PARS2: variants seen among roughly 807,000 people sequenced by gnomAD.
PARS2 encodes the protein prolyl-tRNA synthetase 2, mitochondrial.
Under a neutral mutation model 27.4 loss-of-function variants are expected in PARS2, and 20 were observed. That is an observed-to-expected ratio of 0.73 (90% CI 0.51 to 1.06). The LOEUF (loss-of-function observed/expected upper bound fraction) is 1.06, where lower values mean the gene tolerates loss of function less well. Among genes scored for constraint, PARS2 ranks in the 50% least tolerant of loss-of-function variants. The probability of loss-of-function intolerance (pLI) is 0.00; values close to 1 mark genes in which losing one functional copy is unlikely to be tolerated. For synonymous variants in PARS2, 240 were observed against 247.1 expected (o/e 0.97, Z 0.27); for missense variants, 585 against 602.1 (o/e 0.97, Z 0.30).
Position 54,757,619 on chromosome 1 carries a change from C to A in PARS2, c.*115G>T. 1.6e-6 allele frequency: 1 copy of A among 633,530 alleles called. No homozygotes were observed. The highest frequency in any genetic ancestry group is 2.0e-5 in the South Asian group (1 of 49,092). 39.2% of individuals were successfully genotyped at this position (633,530 alleles called of 1,614,324 possible). ...ATTGATTTCCCTAACATGATCTCAC[C>A]CTCCATGAGCTGTGCTGTTTCTGGA... On this transcript the variant is annotated 3_prime_UTR_variant, in exon 2 of 2. Coordinates refer to ENST00000371279, the MANE Select transcript of PARS2 (RefSeq NM_152268.4).
At chr1:54,759,255 C>A (rs960784019) in intron 1 of PARS2, 65 bp from the exon 2 acceptor site, 24 of 1,007,384 alleles carry the variant, frequency 2.4e-5, no homozygotes, top group East Asian at 5.3e-5. Flanking sequence ...AAGCAGCCAA[C>A]CCAGCCTGCT....
intron 1 of PARS2, among the ~76,000 whole-genome samples, chr1:54,761,006 C>A (rs1646153011): frequency 6.6e-6 from 1 of 152,210 alleles, no homozygotes; most frequent in Admixed American, 6.5e-5. Flanking sequence ...TCTCGACCTC[C>A]TGACCTCGTG....
At position 54,757,993 on chromosome 1, in the gene PARS2, A is replaced by G. The variant is rs757113788; in HGVS notation, c.1169T>C (p.Ile390Thr). Residue 390 changes from isoleucine (I) to threonine (T), a missense_variant, in exon 2 of 2, where the codon ATA becomes ACA. By Grantham distance (89) the Ile-to-Thr change is moderately conservative (BLOSUM62 -1). Coordinates refer to ENST00000371279, the MANE Select transcript of PARS2 (RefSeq NM_152268.4). ...GSKEQAASEL[I>T]GQLYDHITEA... ...TGTGATGTGGTCGTACAGCTGCCCT[A>G]TGAGCTCGGAGGCCGCCTGCTCCTT... The G allele has an allele frequency of 3.9e-5, 63 of 1,613,924 alleles. No homozygotes were observed. Among genetic ancestry groups the G allele is most frequent in the Admixed American group, 1.0e-4 (6 of 59,978 alleles).
Position 54,758,848 on chromosome 1 carries a change from ATCAC to A in PARS2, c.310_313del (p.Val104Ter), listed in dbSNP as rs1431980402. The A allele has an allele frequency of 6.2e-7, 1 of 1,614,072 alleles. No homozygotes were observed. The highest frequency in any genetic ancestry group is 1.3e-5 in the African/African-American group (1 of 74,922). On this transcript the variant is annotated frameshift_variant, in exon 2 of 2. Coordinates refer to ENST00000371279, the MANE Select transcript of PARS2 (RefSeq NM_152268.4). LOFTEE classifies it high-confidence loss of function. ...CCCGATGGCCTGCATCTCCTGGTCT[ATCAC>A]TCGCACGAGCTTCTCCATGGCACGG...
At chr1:54,762,133 CTTGT>C (rs1646161218) in intron 1 of PARS2, among the ~76,000 whole-genome samples, 2 of 140,760 alleles carry the variant, frequency 1.4e-5, no homozygotes, top group African/African-American at 5.3e-5. Flanking sequence ...CGCTGGAGGG[CTTGT>C]TTTTTTTTTT....
chr1:54,764,224 C>T (rs1241285013), intron 1 of PARS2, among the ~76,000 whole-genome samples: 1 of 152,228 alleles, frequency 6.6e-6, no homozygotes, highest in African/African-American at 2.4e-5. Context: ...AACTGTGTGA[C>T]TCTCACGACG....
rs745471812 is a variant in PARS2, at chr1:54,759,129, C to G, written c.33G>C (p.Leu11Phe). MEGLLTRCRA[L>F]PALATCSRQL... is the part of the protein sequence containing the mutation. The stretch of plus-strand genomic sequence containing the variant: ...GGCGGCTGCAGGTGGCCAGGGCGGG[C>G]AATGCTCTGCATCTTGTCAGCAGCC... Residue 11 changes from leucine (L) to phenylalanine (F), a missense_variant, in exon 2 of 2, where the codon TTG becomes TTC. Transcript: ENST00000371279. 6.2e-7 allele frequency: 1 copy of G among 1,606,314 alleles called. No homozygotes were observed. Among genetic ancestry groups the G allele is most frequent in the Non-Finnish European group, 8.5e-7 (1 of 1,174,662 alleles).
In PARS2 at chr1:54,758,362, T is replaced by C. The variant is rs1646134091; in HGVS notation, c.800A>G (p.Glu267Gly). 1.2e-6 allele frequency: 2 copies of C among 1,614,178 alleles called. No individual in the cohort carries two copies. Among genetic ancestry groups the C allele is most frequent in the Non-Finnish European group, 1.7e-6 (2 of 1,180,016 alleles). Residue 267 changes from glutamate to glycine, a missense_variant, in exon 2 of 2, where the codon GAG becomes GGG. Coordinates refer to ENST00000371279, the MANE Select transcript of PARS2 (RefSeq NM_152268.4). ...GCGGGGACAGATGGCAAGCCGGTCCTCTCCAATATCCACTGGGAGCTGGAA... is the reference window on the plus strand; with the variant it reads ...GCGGGGACAGATGGCAAGCCGGTCCCCTCCAATATCCACTGGGAGCTGGAA... ...HEFQLPVDIG[E>G]DRLAICPRCS...
intron 1 of PARS2, among the ~76,000 whole-genome samples, chr1:54,761,799 T>C (rs984884570): frequency 5.3e-5 from 8 of 152,040 alleles, no homozygotes; most frequent in African/African-American, 1.9e-4. Context: ...CCCTGTGCAC[T>C]GTACAAATGT....
In PARS2 at chr1:54,758,366, C is replaced by T; in HGVS notation, c.796G>A (p.Gly266Arg). ...GGACAGATGGCAAGCCGGTCCTCTC[C>T]AATATCCACTGGGAGCTGGAACTCA... ...SHEFQLPVDI[G>R]EDRLAICPRC... is the part of the protein sequence containing the mutation. The change falls in exon 2 of 2, where the codon GGA becomes AGA. Residue 266 changes from glycine to arginine, a missense_variant. Transcript: ENST00000371279. The T allele has an allele frequency of 1.2e-6, 2 of 1,614,210 alleles. No individual in the cohort carries two copies. Among genetic ancestry groups the T allele is most frequent in the Non-Finnish European group, 1.7e-6 (2 of 1,180,038 alleles).
intron 1 of PARS2, among the ~76,000 whole-genome samples, chr1:54,763,556 G>A (rs1570093333): frequency 6.6e-6 from 1 of 152,254 alleles, no homozygotes; most frequent in South Asian, 2.1e-4. Flanking sequence ...TAATTTAAAC[G>A]AGAGCTTTAA....
chr1:54,763,643 C>T (rs1418855394), intron 1 of PARS2, among the ~76,000 whole-genome samples: 1 of 152,166 alleles, frequency 6.6e-6, no homozygotes, highest in African/African-American at 2.4e-5. Context: ...GTAGAATTAT[C>T]TCAGTTTTTC....
At chr1:54,762,125 C>CT (rs1171950001) in intron 1 of PARS2, among the ~76,000 whole-genome samples, 4 of 149,772 alleles carry the variant, frequency 2.7e-5, no homozygotes, top group South Asian at 2.2e-4. Context: ...ATCAGAATCG[C>CT]TGGAGGGCTT....
chr1:54,759,045 G>A lies in PARS2; in HGVS notation c.117C>T (p.Arg39=). 3 of 1,614,130 alleles carry A rather than the reference G, an allele frequency of 1.9e-6. No individual in the cohort carries two copies. Among genetic ancestry groups the A allele is most frequent in the Non-Finnish European group, 2.5e-6 (3 of 1,180,012 alleles). Residue 39 remains arginine (R), a synonymous_variant, in exon 2 of 2, where the codon CGC becomes CGT. Transcript: ENST00000371279. ...GCTGGAACACACGAGACAGCAGCAG[G>A]CGCCGCCCTCTTCTTGGGGCACAGT... ...FHHCAPRRGR[R]LLLSRVFQPQ...
At position 54,758,799 on chromosome 1, in the gene PARS2, G is replaced by A. The variant is rs1646137473; in HGVS notation, c.363C>T (p.Ser121=). 2 of 1,613,984 alleles carry A rather than the reference G, an allele frequency of 1.2e-6. No individual in the cohort carries two copies. Among genetic ancestry groups the A allele is most frequent in the Non-Finnish European group, 1.7e-6 (2 of 1,180,030 alleles). The part of the protein sequence containing the change: ...AIGGQKVNMP[S]LSPAELWQAT... ...CTTGCCAGAGCTCTGCCGGGCTGAG[G>A]CTGGGCATGTTGACTTTCTGGCCCC... The change falls in exon 2 of 2, where the codon AGC becomes AGT. Residue 121 remains serine, a synonymous_variant. Transcript: ENST00000371279.
chr1:54,761,907 A>G (rs2057939), intron 1 of PARS2, among the ~76,000 whole-genome samples: 3 of 152,150 alleles, frequency 2.0e-5, no homozygotes, highest in Non-Finnish European at 4.4e-5. Context: ...CCCTGGCTCT[A>G]TAACTTCCTT....
At chr1:54,763,280 A>G (rs1012342059) in intron 1 of PARS2, among the ~76,000 whole-genome samples, 34 of 152,146 alleles carry the variant, frequency 2.2e-4, no homozygotes, top group African/African-American at 8.0e-4. Flanking sequence ...TTGAGGAACT[A>G]TTGTGTGCCA....
chr1:54,759,242 A>G, intron 1 of PARS2, 52 bp from the exon 2 acceptor site: 5 of 1,180,378 alleles, frequency 4.2e-6, no homozygotes, highest in Non-Finnish European at 5.9e-6. Context: ...TTCCAACACC[A>G]TGAAGCAGCC....
rs1263938689 is a variant in PARS2, at chr1:54,758,567, G to A, written c.595C>T (p.Leu199Phe). 6.2e-6 allele frequency: 10 copies of A among 1,614,100 alleles called. No homozygotes were observed. The highest frequency in any genetic ancestry group is 8.5e-6 in the Non-Finnish European group (10 of 1,180,036). Reference sequence around the variant, plus strand: ...TTCATGTAAAACTCTCGGCCACGGAGAAGACCAAAGCGGGGCCTGGGCTCA... The same window carrying A: ...TTCATGTAAAACTCTCGGCCACGGAAAAGACCAAAGCGGGGCCTGGGCTCA... ...RDEPRPRFGL[L>F]RGREFYMKDM... is the part of the protein sequence containing the mutation. Residue 199 changes from leucine to phenylalanine, a missense_variant, in exon 2 of 2, where the codon CTC becomes TTC. Leu to Phe is a conservative substitution (Grantham distance 22). Coordinates refer to ENST00000371279, the MANE Select transcript of PARS2 (RefSeq NM_152268.4).
Sources: gnomAD v4.1 joint callset for allele counts (sites outside exome capture counted in the v4.1 genomes callset) on GRCh38, gnomAD v4.1.1 for gene constraint, MANE v1.5 for transcripts, NCBI Gene and HGNC (gene_info 2026-07-23, HGNC 2026-07-21) for gene names.